The following EPHA5 variants were observed in gnomAD, a reference collection of about 807,000 sequenced individuals.
EPHA5 encodes the protein ephrin type-A receptor 5.
In EPHA5, 60 loss-of-function variants were observed where a neutral mutation model predicts 105.0. The observed-to-expected ratio is 0.57, with a 90% CI of 0.46 to 0.71. EPHA5 has a LOEUF of 0.71. Ranked by LOEUF, EPHA5 falls within the 30% of genes least tolerant of loss-of-function variation. EPHA5 has a pLI of 0.00. For missense variants in EPHA5, 1,218 were observed against 1,274.7 expected, an observed-to-expected ratio of 0.96 and a Z score of 0.68; for synonymous variants, 513 against 449.1, an observed-to-expected ratio of 1.14 and a Z score of -1.80.
chr4:65,501,794 A>G (rs1296556237), intron 3 of EPHA5, among the ~76,000 whole-genome samples: 1 of 146,842 alleles, frequency 6.8e-6, no homozygotes, highest in East Asian at 2.3e-4. Context: ...AAATAGCTGA[A>G]GTAATCTTAA....
chr4:65,402,648 C>A (rs1252207201), intron 8 of EPHA5, among the ~76,000 whole-genome samples: 1 of 152,072 alleles, frequency 6.6e-6, no homozygotes, highest in Non-Finnish European at 1.5e-5. Context: ...CTTCTTATAA[C>A]CTCCATGGCT....
chr4:65,426,986 A>G (rs571985222), intron 5 of EPHA5, among the ~76,000 whole-genome samples: 48 of 152,214 alleles, frequency 3.2e-4, no homozygotes, highest in South Asian at 1.0e-3. Flanking sequence ...GGAAATCTAG[A>G]GACTTCTGGA....
intron 8 of EPHA5, among the ~76,000 whole-genome samples, chr4:65,385,006 T>A (rs1177063333): frequency 6.6e-6 from 1 of 151,684 alleles, no homozygotes; most frequent in Non-Finnish European, 1.5e-5. Context: ...GAACGTAGGA[T>A]TATCATGATG....
At chr4:65,648,661 A>G (rs1294374304) in intron 1 of EPHA5, among the ~76,000 whole-genome samples, 2 of 152,210 alleles carry the variant, frequency 1.3e-5, no homozygotes, top group Non-Finnish European at 2.9e-5. Flanking sequence ...CTCTAAAGGC[A>G]TTGAGTCAAA....
chr4:65,632,081 C>T (rs927777097), intron 2 of EPHA5, among the ~76,000 whole-genome samples: 1 of 151,806 alleles, frequency 6.6e-6, no homozygotes, highest in South Asian at 2.1e-4. Context: ...CAACCTTGTA[C>T]AGTAGGTAGT....
chr4:65,596,583 G>A (rs542239493), intron 3 of EPHA5, among the ~76,000 whole-genome samples: 2 of 152,092 alleles, frequency 1.3e-5, no homozygotes, highest in South Asian at 2.1e-4. Context: ...TTAAAATGGG[G>A]GGAAAAAGAC....
chr4:65,390,469 G>A (rs1222667231), intron 8 of EPHA5, among the ~76,000 whole-genome samples: 2 of 151,898 alleles, frequency 1.3e-5, no homozygotes, highest in African/African-American at 4.8e-5. Flanking sequence ...TGCATGACAT[G>A]CCATACCTTC....
intron 3 of EPHA5, among the ~76,000 whole-genome samples, chr4:65,503,854 T>C (rs187002286): frequency 6.6e-6 from 1 of 151,266 alleles, no homozygotes; most frequent in Non-Finnish European, 1.5e-5. Context: ...AATATTAACA[T>C]ACACATTTTT....
intron 3 of EPHA5, among the ~76,000 whole-genome samples, chr4:65,580,211 A>G (rs1231128344): frequency 1.3e-5 from 2 of 151,964 alleles, no homozygotes; most frequent in Admixed American, 1.3e-4. Context: ...AAATAGGCAT[A>G]TATAAACTTA....
At chr4:65,447,340 A>G (rs1025959111) in intron 5 of EPHA5, among the ~76,000 whole-genome samples, 7 of 152,014 alleles carry the variant, frequency 4.6e-5, no homozygotes, top group Non-Finnish European at 1.0e-4. Context: ...ACTGCATTCA[A>G]TATACTATGA....
chr4:65,473,635 C>T (rs1039546640), intron 5 of EPHA5, among the ~76,000 whole-genome samples: 7 of 152,122 alleles, frequency 4.6e-5, no homozygotes, highest in African/African-American at 1.7e-4. Flanking sequence ...GATACAATCA[C>T]CTCCCACCTG....
intron 3 of EPHA5, among the ~76,000 whole-genome samples, chr4:65,537,353 T>C (rs953002292): frequency 6.6e-6 from 1 of 151,772 alleles, no homozygotes; most frequent in African/African-American, 2.4e-5. Context: ...TTACACCACA[T>C]AGAAAAATTC....
At chr4:65,478,823 T>C (rs1340611406) in intron 5 of EPHA5, among the ~76,000 whole-genome samples, 1 of 152,128 alleles carries the variant, frequency 6.6e-6, no homozygotes, top group African/African-American at 2.4e-5. Flanking sequence ...GGATATTTTA[T>C]CAAAATTAGA....
At chr4:65,507,695 T>A (rs1733193592) in intron 3 of EPHA5, among the ~76,000 whole-genome samples, 1 of 152,136 alleles carries the variant, frequency 6.6e-6, no homozygotes, top group Non-Finnish European at 1.5e-5. Context: ...TAAGAATGCT[T>A]GTGATTTATG....
At chr4:65,445,522 T>A (rs1302182911) in intron 5 of EPHA5, among the ~76,000 whole-genome samples, 1 of 152,082 alleles carries the variant, frequency 6.6e-6, no homozygotes, top group African/African-American at 2.4e-5. Context: ...CCAACAGGAC[T>A]GTGAGCATTA....
intron 3 of EPHA5, among the ~76,000 whole-genome samples, chr4:65,558,665 G>A (rs890218733): frequency 2.0e-5 from 3 of 151,874 alleles, no homozygotes; most frequent in African/African-American, 4.8e-5. Flanking sequence ...TTAACATTAG[G>A]TATATCTCCT....
chr4:65,614,428 A>G (rs1361101061), intron 2 of EPHA5, among the ~76,000 whole-genome samples: 1 of 151,820 alleles, frequency 6.6e-6, no homozygotes, highest in African/African-American at 2.4e-5. Flanking sequence ...ATCTATTTGT[A>G]TATGAGCAAA....
intron 3 of EPHA5, among the ~76,000 whole-genome samples, chr4:65,553,882 T>G (rs1019582715): frequency 6.6e-6 from 1 of 152,046 alleles, no homozygotes; most frequent in Non-Finnish European, 1.5e-5. Flanking sequence ...ATGAGCCGCA[T>G]CCTAATAGAA....
intron 5 of EPHA5, among the ~76,000 whole-genome samples, chr4:65,436,373 G>A (rs1451822474): frequency 6.6e-6 from 1 of 151,462 alleles, no homozygotes; most frequent in African/African-American, 2.4e-5. Context: ...CACACAAAAT[G>A]TAACTAACAT....
Sources: gnomAD v4.1 joint callset for allele counts (sites outside exome capture counted in the v4.1 genomes callset) on GRCh38, gnomAD v4.1.1 for gene constraint, MANE v1.5 for transcripts, NCBI Gene and HGNC (gene_info 2026-07-23, HGNC 2026-07-21) for gene names.